Variants in CHCHD3 observed in about 807,000 individuals in gnomAD.
CHCHD3 encodes the protein MICOS complex subunit MIC19.
In CHCHD3, 20 loss-of-function variants were observed where a neutral mutation model predicts 38.2. The ratio of observed to expected loss-of-function variants is 0.52; its 90% confidence interval spans 0.37 to 0.76. The LOEUF (loss-of-function observed/expected upper bound fraction) is 0.76, where lower values mean the gene tolerates loss of function less well. CHCHD3 is among the 30% of genes least tolerant of loss of function. The pLI, the probability that CHCHD3 is intolerant of heterozygous loss-of-function variation, is 0.00. For missense variants in CHCHD3, 245 were observed against 279.2 expected (o/e 0.88, Z 0.87); for synonymous variants, 82 against 100.0 (o/e 0.82, Z 1.07).
intron 4 of CHCHD3, among the ~76,000 whole-genome samples, chr7:132,918,285 G>C (rs1240373588): frequency 6.6e-6 from 1 of 152,112 alleles, no homozygotes; most frequent in East Asian, 1.9e-4. Context: ...AGGACCATGG[G>C]AAGACTTCAT....
chr7:132,948,664 T>G (rs967296967), intron 4 of CHCHD3, among the ~76,000 whole-genome samples: 1 of 152,112 alleles, frequency 6.6e-6, no homozygotes, highest in African/African-American at 2.4e-5. Flanking sequence ...GAACATACTA[T>G]ATCAATGGCT....
chr7:133,069,908 G>C (rs112976870), intron 2 of CHCHD3, among the ~76,000 whole-genome samples: 1 of 152,158 alleles, frequency 6.6e-6, no homozygotes, highest in Non-Finnish European at 1.5e-5. Context: ...AAGCCTAGTA[G>C]AGGATTCAAG....
chr7:132,824,350 G>C (rs564471301), intron 6 of CHCHD3, among the ~76,000 whole-genome samples: 1 of 120,778 alleles, frequency 8.3e-6, no homozygotes, highest in Non-Finnish European at 1.6e-5. Context: ...ACGGAGTCTC[G>C]CTCTGTCGCT....
At chr7:133,067,014 T>C (rs1267110962) in intron 2 of CHCHD3, among the ~76,000 whole-genome samples, 1 of 152,224 alleles carries the variant, frequency 6.6e-6, no homozygotes, top group Non-Finnish European at 1.5e-5. Context: ...CAAACTTGAA[T>C]GTAACTCTCA....
intron 4 of CHCHD3, among the ~76,000 whole-genome samples, chr7:132,909,939 G>C (rs1412949261): frequency 1.3e-5 from 2 of 152,192 alleles, no homozygotes; most frequent in African/African-American, 4.8e-5. Flanking sequence ...GTAAGAATGA[G>C]AAAATAATCA....
intron 6 of CHCHD3, among the ~76,000 whole-genome samples, chr7:132,828,367 G>A (rs759587452): frequency 6.6e-6 from 1 of 152,080 alleles, no homozygotes. Context: ...CTCCTTTCAT[G>A]TGCTATTTGG....
chr7:133,050,431 A>G (rs1406513300), intron 2 of CHCHD3, among the ~76,000 whole-genome samples: 2 of 149,644 alleles, frequency 1.3e-5, no homozygotes, highest in African/African-American at 4.9e-5. Flanking sequence ...AGTAGAGCAC[A>G]CTTTTTAACA....
At chr7:132,860,752 A>C (rs1222502148) in intron 5 of CHCHD3, among the ~76,000 whole-genome samples, 1 of 151,826 alleles carries the variant, frequency 6.6e-6, no homozygotes, top group Non-Finnish European at 1.5e-5. Flanking sequence ...TCGGCCTCCC[A>C]AATAGATGCG....
intron 2 of CHCHD3, among the ~76,000 whole-genome samples, chr7:133,069,825 ATATT>A: frequency 6.6e-6 from 1 of 152,342 alleles, no homozygotes; most frequent in East Asian, 1.9e-4. Flanking sequence ...TTTTAAATAA[ATATT>A]TATTCCTAAA....
At chr7:132,925,637 A>G (rs1585643583) in intron 4 of CHCHD3, among the ~76,000 whole-genome samples, 1 of 152,170 alleles carries the variant, frequency 6.6e-6, no homozygotes, top group South Asian at 2.1e-4. Flanking sequence ...GTGCAGACTC[A>G]TATCTGTACG....
At chr7:132,869,903 A>G (rs1448551750) in intron 5 of CHCHD3, among the ~76,000 whole-genome samples, 1 of 152,072 alleles carries the variant, frequency 6.6e-6, no homozygotes, top group African/African-American at 2.4e-5. Context: ...ATTTCATCAA[A>G]TAAAATGATA....
At chr7:132,859,296 A>C (rs1808423259) in intron 5 of CHCHD3, among the ~76,000 whole-genome samples, 1 of 152,296 alleles carries the variant, frequency 6.6e-6, no homozygotes, top group South Asian at 2.1e-4. Flanking sequence ...GCCCATTTTA[A>C]TTACAAACAA....
rs1349433084 is a variant in CHCHD3, at chr7:132,985,614, G to A, written c.252-10328C>T. 7.5e-5 allele frequency among the ~76,000 whole-genome samples: 6 copies of A among 79,536 alleles called. 1 individual carries two copies. The highest frequency in any genetic ancestry group is 1.0e-4 in the Non-Finnish European group (4 of 38,108). 52.2% of individuals were successfully genotyped at this position (79,536 alleles called of 152,430 possible). A position where few individuals can be genotyped will look rare whatever the true frequency, so the allele number is the denominator to read the frequency against. ...CGGGAGGTGAGGGGCGCCTCTGCCC[G>A]GCCGCCCCTACTGGGAAGAGAGGAG... is the stretch of plus-strand genomic sequence containing the variant. On this transcript the variant is annotated intron_variant, in intron 3 of 7. Coordinates refer to ENST00000262570, the MANE Select transcript of CHCHD3 (RefSeq NM_017812.4).
At chr7:133,004,281 G>T (rs954311838) in intron 3 of CHCHD3, among the ~76,000 whole-genome samples, 2 of 152,294 alleles carry the variant, frequency 1.3e-5, no homozygotes, top group Middle Eastern at 3.4e-3. Context: ...GATTTAATAT[G>T]AGAATTAATG....
intron 4 of CHCHD3, among the ~76,000 whole-genome samples, chr7:132,889,646 A>G (rs1809311326): frequency 6.6e-6 from 1 of 152,206 alleles, no homozygotes; most frequent in Non-Finnish European, 1.5e-5. Context: ...TGCAAACAGA[A>G]TCAATAGTTT....
chr7:132,896,824 G>C (rs982842477), intron 4 of CHCHD3, among the ~76,000 whole-genome samples: 1 of 152,196 alleles, frequency 6.6e-6, no homozygotes, highest in African/African-American at 2.4e-5. Context: ...AGGACTGTAT[G>C]TCACAGTATC....
At chr7:132,920,193 T>C (rs909886199) in intron 4 of CHCHD3, among the ~76,000 whole-genome samples, 2 of 152,170 alleles carry the variant, frequency 1.3e-5, no homozygotes, top group East Asian at 1.9e-4. Flanking sequence ...CTTTTGGAAA[T>C]AAAGTTTTAT....
intron 4 of CHCHD3, among the ~76,000 whole-genome samples, chr7:132,955,877 C>T (rs1811152483): frequency 6.6e-6 from 1 of 152,024 alleles, no homozygotes; most frequent in Admixed American, 6.5e-5. Context: ...TTGCTGAAGC[C>T]AATGCCAGGG....
chr7:132,829,788 T>C (rs933756257), intron 6 of CHCHD3, among the ~76,000 whole-genome samples: 2 of 152,186 alleles, frequency 1.3e-5, no homozygotes, highest in Non-Finnish European at 2.9e-5. Context: ...CTTGTGACCA[T>C]GTTCATGAGA....
Sources: gnomAD v4.1 joint callset for allele counts (sites outside exome capture counted in the v4.1 genomes callset) on GRCh38, gnomAD v4.1.1 for gene constraint, MANE v1.5 for transcripts, NCBI Gene and HGNC (gene_info 2026-07-23, HGNC 2026-07-21) for gene names.